ASIC2: variants seen among roughly 807,000 people sequenced by gnomAD.
ASIC2 encodes acid sensing ion channel subunit 2.
ASIC2 carries 25 observed loss-of-function variants against 57.3 expected under a neutral mutation model. The observed-to-expected ratio is 0.44, with a 90% CI of 0.32 to 0.61. ASIC2 has a LOEUF of 0.61. Among genes scored for constraint, ASIC2 ranks in the 20% least tolerant of loss-of-function variants. The pLI, the probability that ASIC2 is intolerant of heterozygous loss-of-function variation, is 0.06. For missense variants in ASIC2, 641 were observed against 738.1 expected (o/e 0.87, Z 1.52); for synonymous variants, 319 against 307.5 (o/e 1.04, Z -0.39).
chr17:33,835,585 T>C (rs1392961379), intron 1 of ASIC2, among the ~76,000 whole-genome samples: 1 of 152,162 alleles, frequency 6.6e-6, no homozygotes, highest in South Asian at 2.1e-4. Context: ...AGAAGACAAG[T>C]GACTAGCGGA....
chr17:33,202,618 C>G (rs1004899495), intron 1 of ASIC2, among the ~76,000 whole-genome samples: 1 of 152,106 alleles, frequency 6.6e-6, no homozygotes, highest in Non-Finnish European at 1.5e-5. Context: ...AAGTATGCAC[C>G]CAGAAGCCCA....
intron 1 of ASIC2, among the ~76,000 whole-genome samples, chr17:33,583,954 G>A (rs1800487003): frequency 6.6e-6 from 1 of 152,170 alleles, no homozygotes; most frequent in African/African-American, 2.4e-5. Flanking sequence ...CTGGAGCTGA[G>A]GGTGGGGATG....
chr17:33,496,603 G>GTT (rs61267122), intron 1 of ASIC2, among the ~76,000 whole-genome samples: 1,667 of 70,872 alleles, frequency 0.024, 143 homozygotes, highest in African/African-American at 0.04. Context: ...GTTATTGTAG[G>GTT]TTTTTTTTTT....
chr17:34,020,113 T>C (rs1000804514), intron 1 of ASIC2, among the ~76,000 whole-genome samples: 2 of 152,220 alleles, frequency 1.3e-5, no homozygotes, highest in Non-Finnish European at 2.9e-5. Context: ...TGCAAAAAAA[T>C]TGTGGCTACA....
intron 1 of ASIC2, among the ~76,000 whole-genome samples, chr17:33,910,346 C>T (rs1915435363): frequency 6.6e-6 from 1 of 152,136 alleles, no homozygotes; most frequent in East Asian, 1.9e-4. Context: ...AGAGGTTAAA[C>T]AACTGGCCTA....
At chr17:33,611,653 T>C (rs1254106167) in intron 1 of ASIC2, among the ~76,000 whole-genome samples, 3 of 152,262 alleles carry the variant, frequency 2.0e-5, no homozygotes, top group Admixed American at 6.5e-5. Flanking sequence ...AGTGGCCATC[T>C]GGAGCAAGAT....
chr17:33,525,941 C>G (rs1345563490), intron 1 of ASIC2, among the ~76,000 whole-genome samples: 1 of 152,152 alleles, frequency 6.6e-6, no homozygotes, highest in Non-Finnish European at 1.5e-5. Flanking sequence ...TGTAAGTTAT[C>G]TTTCCACTCG....
chr17:33,329,895 A>T (rs148453016), intron 1 of ASIC2, among the ~76,000 whole-genome samples: 78 of 152,308 alleles, frequency 5.1e-4, no homozygotes, highest in African/African-American at 1.9e-3. Context: ...TGTCTTCAGC[A>T]GTGAGAAGGA....
chr17:33,411,615 T>A (rs1195153255), intron 1 of ASIC2, among the ~76,000 whole-genome samples: 2 of 152,190 alleles, frequency 1.3e-5, no homozygotes, highest in Admixed American at 1.3e-4. Flanking sequence ...GGGGTACAGA[T>A]AGCAGTTTGA....
rs530209300 is a variant in ASIC2 at position 33,484,534 on chromosome 17, A to C, written c.556-372467T>G. 2.5e-4 allele frequency among the ~76,000 whole-genome samples: 38 copies of C among 152,388 alleles called. No individual in the cohort carries two copies. In the South Asian group the frequency reaches 7.5e-3, roughly 30 times the overall value. On this transcript the variant is annotated intron_variant, in intron 1 of 9. Transcript: ENST00000359872. Reference sequence around the variant, plus strand: ...TTCTTCAACCCAATATATTCAAAATACTGTCATTTCAACCAGTTACCAATA... The same window carrying C: ...TTCTTCAACCCAATATATTCAAAATCCTGTCATTTCAACCAGTTACCAATA...
At chr17:33,148,401 G>A (rs1457972161) in intron 1 of ASIC2, among the ~76,000 whole-genome samples, 2 of 152,204 alleles carry the variant, frequency 1.3e-5, no homozygotes, top group African/African-American at 2.4e-5. Flanking sequence ...CACATTTAAG[G>A]TTTGTTCAAT....
chr17:33,147,707 A>T (rs1904617541), intron 1 of ASIC2, among the ~76,000 whole-genome samples: 1 of 152,208 alleles, frequency 6.6e-6, no homozygotes, highest in Admixed American at 6.5e-5. Context: ...ACTACAGTGA[A>T]ATCCCGGGCC....
intron 1 of ASIC2, among the ~76,000 whole-genome samples, chr17:33,737,643 C>T (rs980014590): frequency 6.6e-6 from 1 of 152,144 alleles, no homozygotes; most frequent in Admixed American, 6.5e-5. Flanking sequence ...TAAGAGAGCA[C>T]CAATGTGTAA....
At chr17:33,033,626 C>T (rs2091895586) in intron 3 of ASIC2, among the ~76,000 whole-genome samples, 1 of 152,220 alleles carries the variant, frequency 6.6e-6, no homozygotes, top group South Asian at 2.1e-4. Context: ...CTTGGAGCCT[C>T]CTCTGAACTT....
intron 1 of ASIC2, among the ~76,000 whole-genome samples, chr17:33,974,277 G>A (rs539213368): frequency 6.6e-6 from 1 of 152,214 alleles, no homozygotes; most frequent in South Asian, 2.1e-4. Context: ...CCAAGTCTCA[G>A]TGTCTTCAGC....
chr17:33,397,706 C>A (rs78477817), intron 1 of ASIC2, among the ~76,000 whole-genome samples: 4,528 of 152,240 alleles, frequency 0.03, 105 homozygotes, highest in Non-Finnish European at 0.043. Context: ...GATTCTTCAG[C>A]CTCCCATCAC....
intron 1 of ASIC2, among the ~76,000 whole-genome samples, chr17:33,543,114 T>C (rs956308874): frequency 4.0e-5 from 5 of 125,930 alleles, no homozygotes; most frequent in African/African-American, 1.6e-4. Flanking sequence ...GGAAGGGGAA[T>C]ATCACACTCT....
chr17:33,396,672 C>T (rs925364572), intron 1 of ASIC2, among the ~76,000 whole-genome samples: 1 of 152,148 alleles, frequency 6.6e-6, no homozygotes, highest in Admixed American at 6.5e-5. Flanking sequence ...CTAAATCACT[C>T]ATTTGAGGCT....
At chr17:33,393,542 T>C (rs1335943292) in intron 1 of ASIC2, among the ~76,000 whole-genome samples, 1 of 152,130 alleles carries the variant, frequency 6.6e-6, no homozygotes, top group Non-Finnish European at 1.5e-5. Flanking sequence ...GAGCTATGGA[T>C]CAACATTTCA....
Sources: gnomAD v4.1 joint callset for allele counts (sites outside exome capture counted in the v4.1 genomes callset) on GRCh38, gnomAD v4.1.1 for gene constraint, MANE v1.5 for transcripts, NCBI Gene and HGNC (gene_info 2026-07-23, HGNC 2026-07-21) for gene names.